EPHA6: variants seen among roughly 807,000 people sequenced by gnomAD.
The protein encoded by EPHA6 is ephrin type-A receptor 6.
A neutral mutation model predicts 112.0 loss-of-function variants in EPHA6; 50 were observed. The observed-to-expected ratio is 0.45, with a 90% confidence interval of 0.36 to 0.56. The LOEUF (loss-of-function observed/expected upper bound fraction) is 0.56, where lower values mean the gene tolerates loss of function less well. EPHA6 is among the 20% of genes least tolerant of loss of function. The probability of loss-of-function intolerance (pLI) is 0.00; values close to 1 mark genes in which losing one functional copy is unlikely to be tolerated. For missense variants in EPHA6, 1,280 were observed against 1,417.4 expected, an observed-to-expected ratio of 0.90 and a Z score of 1.56; for synonymous variants, 529 against 490.7, an observed-to-expected ratio of 1.08 and a Z score of -1.03.
chr3:97,466,217 A>G lies in EPHA6; in HGVS notation c.1895-9135A>G, dbSNP rs768079288. On this transcript the variant is annotated intron_variant, in intron 7 of 17. Coordinates refer to ENST00000389672, the MANE Select transcript of EPHA6 (RefSeq NM_001080448.3). ...ATCCTATCCATCCAGTTACCGGGCAAACAGACTTGGGAGGCTGTGTTTATC... is the reference window on the plus strand; with the variant it reads ...ATCCTATCCATCCAGTTACCGGGCAGACAGACTTGGGAGGCTGTGTTTATC... 19 of 827,128 alleles carry G rather than the reference A, an allele frequency of 2.3e-5. No homozygotes were observed. The Admixed American group carries it at 3.3e-4, about 14-fold the overall frequency. 51.2% of individuals were successfully genotyped at this position (827,128 alleles called of 1,614,324 possible).
chr3:97,735,971 G>T lies in EPHA6; in HGVS notation c.2981G>T (p.Gly994Val). The change falls in exon 16 of 18, where the codon GGC (glycine) becomes GTC (valine). Residue 994 changes from glycine to valine, a missense_variant. Transcript: ENST00000389672. ...GGGTACAGACTTCCAGCTCCCATGGGCTGTCCAGCATCTCTACACCAGCTG... is the reference window on the plus strand; with the variant it reads ...GGGTACAGACTTCCAGCTCCCATGGTCTGTCCAGCATCTCTACACCAGCTG... ...EEGYRLPAPM[G>V]CPASLHQLML... 1.9e-6 allele frequency: 3 copies of T among 1,612,382 alleles called. No individual in the cohort carries two copies. The highest frequency in any genetic ancestry group is 2.5e-6 in the Non-Finnish European group (3 of 1,179,024).
chr3:97,211,628 A>ACTT (rs1249228944), intron 3 of EPHA6, among the ~76,000 whole-genome samples: 4 of 152,112 alleles, frequency 2.6e-5, no homozygotes, highest in Admixed American at 1.3e-4. Flanking sequence ...TCCCATTTAG[A>ACTT]CTTCCATCCT....
At chr3:97,686,026 C>T (rs1334333149) in intron 14 of EPHA6, among the ~76,000 whole-genome samples, 2 of 152,116 alleles carry the variant, frequency 1.3e-5, no homozygotes, top group Non-Finnish European at 2.9e-5. Flanking sequence ...TGATGAGTAA[C>T]TCAAGCAAGA....
intron 5 of EPHA6, among the ~76,000 whole-genome samples, chr3:97,389,312 G>A (rs11926308): frequency 0.12 from 18,284 of 152,122 alleles, 3,516 homozygotes; most frequent in African/African-American, 0.4. Flanking sequence ...AGCAGTACTG[G>A]CTGAATATAG....
intron 3 of EPHA6, among the ~76,000 whole-genome samples, chr3:97,055,411 C>A (rs2045820401): frequency 6.6e-6 from 1 of 152,080 alleles, no homozygotes; most frequent in South Asian, 2.1e-4. Context: ...AGCTTAAAAA[C>A]CTCTACCAAT....
In EPHA6 at chr3:97,502,365, C is replaced by T. The variant is rs533171210; in HGVS notation, c.2200+18306C>T. Among the ~76,000 whole-genome samples, 171 of 151,250 alleles carry T rather than the reference C, an allele frequency of 1.1e-3. 1 individual carries two copies. In the Middle Eastern group the frequency reaches 0.02, roughly 18 times the overall value. On this transcript the variant is annotated intron_variant, in intron 10 of 17. Coordinates refer to ENST00000389672, the MANE Select transcript of EPHA6 (RefSeq NM_001080448.3). ...TGTATTTTTAGTAGAGATGGGGTTT[C>T]ACCACGTTGGGCAGGCTGGTCTCAA...
chr3:96,823,091 G>C (rs116155191), intron 1 of EPHA6, among the ~76,000 whole-genome samples: 2,794 of 151,580 alleles, frequency 0.018, 81 homozygotes, highest in African/African-American at 0.061. Flanking sequence ...AATTAGTCTT[G>C]GTAGCACCTT....
chr3:97,010,049 C>T (rs2044029241), intron 3 of EPHA6: 1 of 1,297,348 alleles, frequency 7.7e-7, no homozygotes, highest in African/African-American at 1.5e-5. Context: ...TTGGCCCCAC[C>T]CCGAAACAGT....
At chr3:96,942,128 C>CAGA (rs2040991673) in intron 2 of EPHA6, among the ~76,000 whole-genome samples, 2 of 152,180 alleles carry the variant, frequency 1.3e-5, no homozygotes, top group Admixed American at 1.3e-4. Flanking sequence ...AGAACCACTA[C>CAGA]TCTCCTCAAA....
chr3:97,213,818 A>G (rs1559802496), intron 3 of EPHA6, among the ~76,000 whole-genome samples: 1 of 152,022 alleles, frequency 6.6e-6, no homozygotes, highest in Admixed American at 6.6e-5. Flanking sequence ...AGAGCATTTT[A>G]CTCTTATTCT....
intron 12 of EPHA6, among the ~76,000 whole-genome samples, chr3:97,605,750 G>A (rs906679841): frequency 2.6e-5 from 4 of 151,490 alleles, no homozygotes; most frequent in African/African-American, 9.7e-5. Context: ...GGTTCCATAT[G>A]AATTTTAGAA....
intron 10 of EPHA6, among the ~76,000 whole-genome samples, chr3:97,492,596 C>T (rs55840294): frequency 0.1 from 7,742 of 74,154 alleles, 1,060 homozygotes; most frequent in African/African-American, 0.3. Context: ...AAAAAAAAAC[C>T]GTGGATAATG....
chr3:97,018,592 T>C (rs1168621540), intron 3 of EPHA6, among the ~76,000 whole-genome samples: 2 of 152,210 alleles, frequency 1.3e-5, no homozygotes, highest in Non-Finnish European at 2.9e-5. Context: ...TACACCATTA[T>C]TAGAGACTTT....
chr3:97,719,721 C>G (rs1035669054), intron 14 of EPHA6, among the ~76,000 whole-genome samples: 9 of 152,060 alleles, frequency 5.9e-5, no homozygotes, highest in Non-Finnish European at 1.2e-4. Flanking sequence ...CGCTTATATA[C>G]TGGTTAAGAA....
intron 11 of EPHA6, among the ~76,000 whole-genome samples, chr3:97,581,825 G>C (rs1320078449): frequency 6.6e-6 from 1 of 152,206 alleles, no homozygotes; most frequent in Non-Finnish European, 1.5e-5. Context: ...GATGATTCCA[G>C]CAGCAGACAA....
intron 3 of EPHA6, among the ~76,000 whole-genome samples, chr3:97,021,425 T>G (rs2044455953): frequency 6.6e-6 from 1 of 152,324 alleles, no homozygotes; most frequent in South Asian, 2.1e-4. Context: ...TCACTCATTG[T>G]TTAGAACTCT....
intron 5 of EPHA6, among the ~76,000 whole-genome samples, chr3:97,338,792 G>T (rs777244035): frequency 2.6e-5 from 4 of 152,176 alleles, no homozygotes; most frequent in Non-Finnish European, 5.9e-5. Context: ...TTGGTTGCAA[G>T]TGATAGAGAT....
chr3:97,425,680 A>T (rs1032959262), intron 6 of EPHA6, among the ~76,000 whole-genome samples: 4 of 152,190 alleles, frequency 2.6e-5, no homozygotes, highest in Non-Finnish European at 5.9e-5. Context: ...TTCATTACTT[A>T]TGCAAATTTC....
intron 2 of EPHA6, among the ~76,000 whole-genome samples, chr3:96,905,763 A>G (rs779238278): frequency 9.2e-5 from 14 of 152,140 alleles, no homozygotes; most frequent in South Asian, 2.1e-4. Context: ...TGCAGATGCA[A>G]GAGAAATCGG....
Sources: gnomAD v4.1 joint callset for allele counts (sites outside exome capture counted in the v4.1 genomes callset) on GRCh38, gnomAD v4.1.1 for gene constraint, MANE v1.5 for transcripts, NCBI Gene and HGNC (gene_info 2026-07-23, HGNC 2026-07-21) for gene names.